The following SLIT3 variants were observed in gnomAD, a reference collection of about 807,000 sequenced individuals.
SLIT3 encodes the protein slit guidance ligand 3.
Under a neutral mutation model 184.0 loss-of-function variants are expected in SLIT3, and 68 were observed. The observed-to-expected ratio is 0.37, with a 90% confidence interval of 0.30 to 0.45. SLIT3 has a LOEUF of 0.45. Ranked by LOEUF, SLIT3 falls within the 20% of genes least tolerant of loss-of-function variation. The probability of loss-of-function intolerance (pLI) is 1.00; values close to 1 mark genes in which losing one functional copy is unlikely to be tolerated. For synonymous variants in SLIT3, 831 were observed against 828.6 expected (o/e 1.00, Z -0.05); for missense variants, 1,707 against 2,026.0 (o/e 0.84, Z 3.02).
intron 4 of SLIT3, among the ~76,000 whole-genome samples, chr5:168,909,811 T>C (rs1192942909): frequency 1.3e-5 from 2 of 152,184 alleles, no homozygotes; most frequent in South Asian, 2.1e-4. Context: ...TTTTAAGGGA[T>C]TGAAGTTCAC....
At chr5:168,817,161 G>A (rs1220825950) in intron 8 of SLIT3, 139 bp downstream of exon 8, 2 of 701,068 alleles carry the variant, frequency 2.9e-6, no homozygotes, top group Non-Finnish European at 5.0e-6. Context: ...TGACTACTGA[G>A]TACTGAGGAC....
intron 4 of SLIT3, among the ~76,000 whole-genome samples, chr5:169,046,381 A>T (rs1325564512): frequency 6.6e-6 from 1 of 152,262 alleles, no homozygotes; most frequent in Non-Finnish European, 1.5e-5. Context: ...CTCCAGAATC[A>T]GATACACTGC....
chr5:168,752,388 GTTTTT>G (rs35984907), intron 18 of SLIT3: 10,305 of 109,726 alleles, frequency 0.094, 343 homozygotes, highest in Non-Finnish European at 0.11. Context: ...AAAGCCCCTG[GTTTTT>G]TTTTTTTTTT....
chr5:168,941,068 T>G (rs1030707446), intron 4 of SLIT3, among the ~76,000 whole-genome samples: 1 of 152,188 alleles, frequency 6.6e-6, no homozygotes, highest in Non-Finnish European at 1.5e-5. Flanking sequence ...AAGACAATAT[T>G]CCTGTTGTAA....
chr5:168,682,466 A>T (rs1761620622), intron 32 of SLIT3, among the ~76,000 whole-genome samples: 1 of 152,198 alleles, frequency 6.6e-6, no homozygotes, highest in Admixed American at 6.5e-5. Flanking sequence ...TTTTGGATTC[A>T]GTAGTTCTGG....
At chr5:169,127,079 T>C (rs1253419386) in intron 4 of SLIT3, among the ~76,000 whole-genome samples, 1 of 152,210 alleles carries the variant, frequency 6.6e-6, no homozygotes, top group Admixed American at 6.5e-5. Context: ...GATCAGACAA[T>C]TTCTTCTTCC....
At chr5:168,743,740 A>G (rs1581028310) in intron 20 of SLIT3, among the ~76,000 whole-genome samples, 1 of 152,362 alleles carries the variant, frequency 6.6e-6, no homozygotes, top group East Asian at 1.9e-4. Flanking sequence ...CAAATTGTGA[A>G]CGCAAATAAA....
At chr5:169,093,984 C>CGTTCTAAG (rs1301310840) in intron 4 of SLIT3, among the ~76,000 whole-genome samples, 2 of 152,116 alleles carry the variant, frequency 1.3e-5, no homozygotes. Flanking sequence ...TTCCTGGTAC[C>CGTTCTAAG]GTTCTAAGCA....
At chr5:169,275,561 T>C (rs1409176976) in intron 1 of SLIT3, among the ~76,000 whole-genome samples, 1 of 152,182 alleles carries the variant, frequency 6.6e-6, no homozygotes, top group African/African-American at 2.4e-5. Context: ...GGAGGTTTAA[T>C]TGGACTTCCA....
chr5:169,081,855 T>G (rs906536876), intron 4 of SLIT3, among the ~76,000 whole-genome samples: 12 of 152,150 alleles, frequency 7.9e-5, no homozygotes, highest in Non-Finnish European at 1.3e-4. Flanking sequence ...ACAGCAACAC[T>G]GAGACGGTAT....
intron 8 of SLIT3, among the ~76,000 whole-genome samples, chr5:168,811,575 G>T (rs1439941279): frequency 1.3e-5 from 2 of 152,212 alleles, no homozygotes; most frequent in East Asian, 3.9e-4. Context: ...GACACAGGTT[G>T]TGTAAGCTAC....
chr5:168,712,378 A>G (rs1277306273), intron 23 of SLIT3, 24 bp from the exon 24 acceptor site: 2 of 1,609,352 alleles, frequency 1.2e-6, no homozygotes, highest in Non-Finnish European at 1.7e-6. Flanking sequence ...CACAGGTCGG[A>G]AGGTTAGCAT....
chr5:168,999,131 G>C (rs766347015), intron 4 of SLIT3, among the ~76,000 whole-genome samples: 1 of 152,094 alleles, frequency 6.6e-6, no homozygotes, highest in African/African-American at 2.4e-5. Flanking sequence ...GCCCAGGCTG[G>C]TGTCGAATTC....
chr5:169,137,335 C>CACACACAGAGAGAGAGAGAGAGAGAG (rs368371904), intron 4 of SLIT3, among the ~76,000 whole-genome samples: 1 of 138,554 alleles, frequency 7.2e-6, no homozygotes, highest in African/African-American at 2.8e-5. Context: ...CACACACACA[C>CACACACAGAGAGAGAGAGAGAGAGAG]AGAGAGAGAG....
At chr5:169,141,839 C>G (rs1420959762) in intron 4 of SLIT3, among the ~76,000 whole-genome samples, 1 of 151,484 alleles carries the variant, frequency 6.6e-6, no homozygotes, top group Non-Finnish European at 1.5e-5. Flanking sequence ...ATCACAAGGT[C>G]AGGAGATCGA....
At chr5:168,909,604 A>G (rs1761189660) in intron 4 of SLIT3, among the ~76,000 whole-genome samples, 1 of 152,200 alleles carries the variant, frequency 6.6e-6, no homozygotes, top group South Asian at 2.1e-4. Flanking sequence ...ACTTCACTCA[A>G]TGACTTTACT....
At chr5:168,875,359 T>C (rs1759694058) in intron 5 of SLIT3, among the ~76,000 whole-genome samples, 1 of 151,836 alleles carries the variant, frequency 6.6e-6, no homozygotes, top group South Asian at 2.1e-4. Context: ...TGGCCGGGCA[T>C]GGTGGCTCAT....
At chr5:169,089,711 C>T (rs1479531917) in intron 4 of SLIT3, among the ~76,000 whole-genome samples, 1 of 152,220 alleles carries the variant, frequency 6.6e-6, no homozygotes, top group Non-Finnish European at 1.5e-5. Context: ...ACCCTCCATC[C>T]TGGACTGGAA....
chr5:168,744,780 T>G (rs1763749537), intron 20 of SLIT3, among the ~76,000 whole-genome samples: 1 of 152,238 alleles, frequency 6.6e-6, no homozygotes, highest in African/African-American at 2.4e-5. Context: ...AAAATATTAC[T>G]GCTCACTGAC....
Sources: allele counts gnomAD v4.1 joint callset (sites outside exome capture counted in the v4.1 genomes callset), GRCh38; gene constraint gnomAD v4.1.1; transcripts MANE v1.5; gene names NCBI Gene and HGNC (gene_info 2026-07-23, HGNC 2026-07-21).